Variants in COL18A1 observed in about 807,000 individuals in gnomAD.
The protein encoded by COL18A1 is collagen alpha-1(XVIII) chain.
A neutral mutation model predicts 168.0 loss-of-function variants in COL18A1; 133 were observed. That is an observed-to-expected ratio of 0.79 (90% CI 0.69 to 0.91). The LOEUF is 0.91. COL18A1 is among the 40% of genes least tolerant of loss of function. COL18A1 has a pLI of 0.00. For synonymous variants in COL18A1, 949 were observed against 809.0 expected, an observed-to-expected ratio of 1.17 and a Z score of -2.94; for missense variants, 2,126 against 1,925.4, an observed-to-expected ratio of 1.10 and a Z score of -1.95.
chr21:45,509,938 C>T (rs1021051164), intron 39 of COL18A1, 126 bp from the exon 40 acceptor site: 37 of 1,109,512 alleles, frequency 3.3e-5, no homozygotes, highest in Non-Finnish European at 3.8e-5. Flanking sequence ...GTCACTTGCG[C>T]GCCTCCCGCT....
intron 2 of COL18A1, among the ~76,000 whole-genome samples, chr21:45,452,970 A>G (rs9983675): frequency 0.21 from 32,360 of 151,738 alleles, 3,417 homozygotes; most frequent in East Asian, 0.25. Context: ...GACCTTGTGT[A>G]TGCATGAGTA....
chr21:45,495,048 G>C (rs1248322028), intron 28 of COL18A1, 133 bp downstream of exon 28: 2 of 816,918 alleles, frequency 2.4e-6, no homozygotes, highest in African/African-American at 3.4e-5. Flanking sequence ...CCAAGAACCG[G>C]CCCTGCCTGA....
intron 2 of COL18A1, among the ~76,000 whole-genome samples, chr21:45,429,772 C>T (rs1419418526): frequency 6.6e-6 from 1 of 152,208 alleles, no homozygotes; most frequent in Admixed American, 6.5e-5. Flanking sequence ...GCCCCCTCCC[C>T]ACCTCCTCTG....
intron 2 of COL18A1, among the ~76,000 whole-genome samples, chr21:45,413,011 T>A (rs1026955003): frequency 1.3e-4 from 20 of 152,190 alleles, no homozygotes; most frequent in African/African-American, 4.6e-4. Flanking sequence ...TGCCTGGGGA[T>A]GGTGGAGCGT....
intron 2 of COL18A1, among the ~76,000 whole-genome samples, chr21:45,412,673 G>C (rs1329761814): frequency 1.3e-5 from 2 of 152,222 alleles, no homozygotes; most frequent in East Asian, 1.9e-4. Flanking sequence ...AGCTGGCCCT[G>C]CCACTTTGCT....
chr21:45,468,812 G>A (rs777489211), intron 3 of COL18A1, 26 bp downstream of exon 3: 2 of 1,556,526 alleles, frequency 1.3e-6, no homozygotes, highest in African/African-American at 2.7e-5. Context: ...CCGTCGCTGG[G>A]GGACTGGAGC....
intron 27 of COL18A1, 143 bp from the exon 28 acceptor site, chr21:45,494,719 T>G: frequency 3.0e-6 from 4 of 1,355,404 alleles, no homozygotes; most frequent in Non-Finnish European, 4.2e-6. Context: ...GGTGTCGGCG[T>G]GAGGCTGCAG....
In COL18A1 at chr21:45,512,296, C is replaced by T; in HGVS notation, c.3918C>T (p.Ser1306=). The part of the protein sequence containing the change: ...TEAPSATGQA[S]SLLGGRLLGQ... ...CTCCCTCGGCCACGGGCCAGGCCTC[C>T]TCGCTGCTGGGGGGCAGGCTCCTGG... Residue 1306 remains serine (S), a synonymous_variant, in exon 42 of 42, where the codon TCC becomes TCT. Transcript: ENST00000651438. The T allele has an allele frequency of 1.2e-6, 2 of 1,612,302 alleles. No individual in the cohort carries two copies. Among genetic ancestry groups the T allele is most frequent in the Non-Finnish European group, 1.7e-6 (2 of 1,179,742 alleles).
At chr21:45,438,077 A>G (rs200136237) in intron 2 of COL18A1, among the ~76,000 whole-genome samples, 520 of 45,904 alleles carry the variant, frequency 0.011, 34 homozygotes, top group Middle Eastern at 0.043. Context: ...CACTCAGACA[A>G]GCACTCTCCT....
At chr21:45,462,270 C>T (rs2145873380) in intron 2 of COL18A1, among the ~76,000 whole-genome samples, 1 of 152,200 alleles carries the variant, frequency 6.6e-6, no homozygotes, top group East Asian at 1.9e-4. Flanking sequence ...CTTGGAGTTC[C>T]CTGAGCTCTT....
At chr21:45,510,472 C>T (rs991675274) in intron 40 of COL18A1, among the ~76,000 whole-genome samples, 14 of 152,320 alleles carry the variant, frequency 9.2e-5, no homozygotes, top group Non-Finnish European at 1.5e-4. Context: ...ACTGCCACGT[C>T]CCCCAGGGCA....
intron 2 of COL18A1, among the ~76,000 whole-genome samples, chr21:45,439,438 C>A (rs896721211): frequency 6.6e-6 from 1 of 152,256 alleles, no homozygotes; most frequent in African/African-American, 2.4e-5. Flanking sequence ...TAGGCCTTTA[C>A]GTATCGCAAC....
chr21:45,498,726 G>T lies in COL18A1; in HGVS notation c.2683+1065G>T. 1.6e-6 allele frequency: 1 copy of T among 618,440 alleles called. No individual in the cohort carries two copies. Among genetic ancestry groups the T allele is most frequent in the African/African-American group, 1.8e-5 (1 of 54,562 alleles). The allele number at this position is 618,440 out of a possible 1,614,324, so 38.3% of individuals were successfully genotyped here. ...CCCAGGAAGGAGTGAATGATGCACA[G>T]ATGACCAGAAACCAGGAGAAGAGGC... On this transcript the variant is annotated intron_variant, in intron 32 of 41. Transcript: ENST00000651438. This position sits in a 1 kb window ranked among gnomAD's most constrained non-coding sequence, Gnocchi z 4.5.
intron 28 of COL18A1, 81 bp downstream of exon 28, chr21:45,494,996 G>A: frequency 7.9e-7 from 1 of 1,266,160 alleles, no homozygotes; most frequent in Admixed American, 1.9e-5. Context: ...GGGGTGACAT[G>A]CCCAGAGGGG....
intron 29 of COL18A1, 162 bp downstream of exon 29, chr21:45,495,594 A>G: frequency 1.8e-6 from 1 of 557,040 alleles, no homozygotes; most frequent in Non-Finnish European, 3.2e-6. Context: ...GCACAGTCAT[A>G]CATGTCCACA....
chr21:45,482,649 G>A, intron 14 of COL18A1, 146 bp from the exon 15 acceptor site: 7 of 1,221,068 alleles, frequency 5.7e-6, no homozygotes, highest in African/African-American at 1.5e-5. Context: ...GATGACAGCG[G>A]CAACAGCCTC....
At position 45,455,554 on chromosome 21, in the gene COL18A1, C is replaced by T. The variant is rs748399816; in HGVS notation, c.107-12688C>T. On this transcript the variant is annotated intron_variant, in intron 2 of 41. Transcript: ENST00000651438. The stretch of plus-strand genomic sequence containing the variant: ...CGATGGCTCCCTACCCCTGTGGCTG[C>T]CACATCCTGCTGCTGCTCTTCTGCT... The T allele has an allele frequency of 1.1e-5, 18 of 1,613,482 alleles. 1 individual carries two copies. The highest frequency in any genetic ancestry group is 1.4e-5 in the Non-Finnish European group (17 of 1,179,940).
rs543225964 is a variant in COL18A1 at position 45,510,411 on chromosome 21, C to T, written c.3693+150C>T. ...AGGCTGGCGACTTCAGGGCAGGCTC[C>T]GGGTGGGTCACACCCCTCCAGGCTC... On this transcript the variant is annotated intron_variant, in intron 40 of 41. Coordinates refer to ENST00000651438, the MANE Select transcript of COL18A1 (RefSeq NM_001379500.1). 4.7e-4 allele frequency: 426 copies of T among 901,222 alleles called. 1 individual carries two copies. Among genetic ancestry groups the T allele is most frequent in the Non-Finnish European group, 5.8e-4 (334 of 572,268 alleles). 55.8% of individuals were successfully genotyped at this position (901,222 alleles called of 1,614,324 possible). A position where few individuals can be genotyped will look rare whatever the true frequency, so the allele number is the denominator to read the frequency against.
intron 2 of COL18A1, among the ~76,000 whole-genome samples, chr21:45,437,746 ACT>A (rs1215595247): frequency 1.6e-4 from 11 of 68,712 alleles, no homozygotes; most frequent in African/African-American, 6.1e-4. Flanking sequence ...ACACTCACAC[ACT>A]CAGACACAGG....
Sources: gnomAD v4.1 joint callset for allele counts (sites outside exome capture counted in the v4.1 genomes callset) on GRCh38, gnomAD v4.1.1 for gene constraint, Gnocchi (gnomAD v3.1) non-coding constraint, MANE v1.5 for transcripts, NCBI Gene and HGNC (gene_info 2026-07-23, HGNC 2026-07-21) for gene names.